XPR1: variants seen among roughly 807,000 people sequenced by gnomAD.
XPR1 encodes the protein xenotropic and polytropic retrovirus receptor 1, also known as solute carrier family 53 member 1.
XPR1 carries 28 observed loss-of-function variants against 87.5 expected under a neutral mutation model. The observed-to-expected ratio is 0.32, with a 90% CI of 0.24 to 0.44. The LOEUF is 0.44. Among genes scored for constraint, XPR1 ranks in the 20% least tolerant of loss-of-function variants. XPR1 has a pLI of 1.00. For synonymous variants in XPR1, 300 were observed against 306.1 expected, an observed-to-expected ratio of 0.98 and a Z score of 0.21; for missense variants, 559 against 862.3, an observed-to-expected ratio of 0.65 and a Z score of 4.41.
chr1:180,791,101 A>G (rs1427783908), intron 3 of XPR1, among the ~76,000 whole-genome samples: 60 of 152,200 alleles, frequency 3.9e-4, no homozygotes, highest in Non-Finnish European at 8.8e-5. Context: ...GCTGTAGACT[A>G]TGAATATATA....
intron 2 of XPR1, among the ~76,000 whole-genome samples, chr1:180,704,760 A>G (rs1657495980): frequency 7.4e-6 from 1 of 135,984 alleles, no homozygotes; most frequent in African/African-American, 2.7e-5. Flanking sequence ...GACTTGACAT[A>G]TATATTTCCA....
At chr1:180,665,625 A>G (rs1655929042) in intron 1 of XPR1, among the ~76,000 whole-genome samples, 1 of 152,144 alleles carries the variant, frequency 6.6e-6, no homozygotes, top group African/African-American at 2.4e-5. Context: ...AATTCAGCCC[A>G]GTGTTGGCAG....
intron 1 of XPR1, among the ~76,000 whole-genome samples, chr1:180,674,933 A>AT (rs918570917): frequency 2.0e-5 from 3 of 151,216 alleles, no homozygotes; most frequent in Non-Finnish European, 2.9e-5. Context: ...GCAAAACACC[A>AT]TTTTTTTTCC....
chr1:180,876,919 G>C lies in XPR1; in HGVS notation c.1808+2977G>C, dbSNP rs12092799. On this transcript the variant is annotated intron_variant, in intron 13 of 14. Coordinates refer to ENST00000367590, the MANE Select transcript of XPR1 (RefSeq NM_004736.4). ...GAAAAAGAACTATCATAATTGGAAA[G>C]GAAAAAATAAAACTATAATTATTCA... 7.6e-3 allele frequency among the ~76,000 whole-genome samples: 1,148 copies of C among 152,024 alleles called. 12 individuals carry two copies. Among genetic ancestry groups the C allele is most frequent in the African/African-American group, 0.026 (1,089 of 41,464 alleles).
chr1:180,698,273 G>A (rs1462275193), intron 2 of XPR1, among the ~76,000 whole-genome samples: 1 of 151,830 alleles, frequency 6.6e-6, no homozygotes, highest in Non-Finnish European at 1.5e-5. Flanking sequence ...TTCCATTTGC[G>A]GGAGATATTT....
intron 2 of XPR1, among the ~76,000 whole-genome samples, chr1:180,744,842 G>A (rs1245468386): frequency 2.6e-5 from 4 of 151,370 alleles, no homozygotes; most frequent in African/African-American, 9.7e-5. Flanking sequence ...TAGTAGAGAC[G>A]GGGTTTCACC....
chr1:180,855,676 AAGTG>A (rs1214526141), intron 11 of XPR1, among the ~76,000 whole-genome samples: 1 of 148,056 alleles, frequency 6.8e-6, no homozygotes, highest in Admixed American at 6.7e-5. Flanking sequence ...AAAAAAAAAA[AAGTG>A]GGGGGAGGGG....
intron 7 of XPR1, among the ~76,000 whole-genome samples, chr1:180,821,877 A>G (rs1008176674): frequency 2.0e-5 from 3 of 152,168 alleles, no homozygotes; most frequent in Non-Finnish European, 4.4e-5. Context: ...TTGTGTGTTG[A>G]TCTTGTACTC....
chr1:180,656,461 A>ATATAATATATATATATT (rs1655495207), intron 1 of XPR1, among the ~76,000 whole-genome samples: 2 of 65,268 alleles, frequency 3.1e-5, no homozygotes, highest in African/African-American at 1.4e-4. Flanking sequence ...ATATATTTAT[A>ATATAATATATATATATT]TATAATATTT....
At chr1:180,638,234 A>G (rs147227268) in intron 1 of XPR1, among the ~76,000 whole-genome samples, 43 of 151,128 alleles carry the variant, frequency 2.8e-4, no homozygotes, top group Admixed American at 2.5e-3. Context: ...TAAAACTTCT[A>G]TTTTAAACAA....
rs576380673 is a variant in XPR1 at position 180,711,606 on chromosome 1, G to T, written c.121+29195G>T. On this transcript the variant is annotated intron_variant, in intron 2 of 14. Coordinates refer to ENST00000367590, the MANE Select transcript of XPR1 (RefSeq NM_004736.4). ...CTCGGCGTCAGAGGGAGACCGTGGG[G>T]AGGGGGAGAGGGAGAGGGGGGAGAG... is the stretch of plus-strand genomic sequence containing the variant. Among the ~76,000 whole-genome samples the T allele has an allele frequency of 1.2e-3, 176 of 152,138 alleles. 1 individual carries two copies. The highest frequency in any genetic ancestry group is 2.0e-3 in the Non-Finnish European group (136 of 67,978).
chr1:180,774,348 A>C (rs1336008219), intron 2 of XPR1, among the ~76,000 whole-genome samples: 2 of 151,282 alleles, frequency 1.3e-5, no homozygotes, highest in Non-Finnish European at 1.5e-5. Context: ...GGATTTTTTA[A>C]TACTTTTTTT....
At chr1:180,705,647 C>T (rs1657530336) in intron 2 of XPR1, among the ~76,000 whole-genome samples, 1 of 152,090 alleles carries the variant, frequency 6.6e-6, no homozygotes, top group African/African-American at 2.4e-5. Flanking sequence ...TTTTCACGTT[C>T]CTGTTTTTTC....
At chr1:180,721,105 C>T (rs901507509) in intron 2 of XPR1, among the ~76,000 whole-genome samples, 23 of 151,802 alleles carry the variant, frequency 1.5e-4, no homozygotes, top group African/African-American at 5.6e-4. Context: ...GTGGTAATTC[C>T]AGCCACTTGG....
intron 3 of XPR1, among the ~76,000 whole-genome samples, chr1:180,791,260 A>T (rs1229545664): frequency 6.6e-6 from 1 of 152,062 alleles, no homozygotes; most frequent in Non-Finnish European, 1.5e-5. Context: ...TTGGTAGTAG[A>T]TACTTTGTTT....
intron 3 of XPR1, among the ~76,000 whole-genome samples, chr1:180,790,539 T>C (rs1358446877): frequency 6.6e-6 from 1 of 152,044 alleles, no homozygotes; most frequent in Non-Finnish European, 1.5e-5. Flanking sequence ...AGAGACAAAA[T>C]ATACATTTTC....
chr1:180,851,262 T>C (rs1218080643), intron 11 of XPR1, among the ~76,000 whole-genome samples: 1 of 152,192 alleles, frequency 6.6e-6, no homozygotes, highest in Admixed American at 6.5e-5. Flanking sequence ...TTCCACATGA[T>C]GGTTAGTTAA....
chr1:180,811,301 A>G (rs1279952275), intron 6 of XPR1, 106 bp from the exon 7 acceptor site: 1 of 903,222 alleles, frequency 1.1e-6, no homozygotes. Context: ...ATTAAATATT[A>G]TTTTCATGGT....
intron 2 of XPR1, among the ~76,000 whole-genome samples, chr1:180,773,199 A>G (rs1384345857): frequency 1.3e-5 from 2 of 152,178 alleles, no homozygotes; most frequent in Non-Finnish European, 2.9e-5. Flanking sequence ...AAATGTGACT[A>G]TGAATGTTGG....
Sources: gnomAD v4.1 joint callset for allele counts (sites outside exome capture counted in the v4.1 genomes callset) on GRCh38, gnomAD v4.1.1 for gene constraint, MANE v1.5 for transcripts, NCBI Gene and HGNC (gene_info 2026-07-23, HGNC 2026-07-21) for gene names.